The following PHLPP2 variants were observed in gnomAD, a reference collection of about 807,000 sequenced individuals.
PHLPP2 encodes PH domain leucine-rich repeat-containing protein phosphatase 2.
PHLPP2 carries 66 observed loss-of-function variants against 124.9 expected under a neutral mutation model. The ratio of observed to expected loss-of-function variants is 0.53; its 90% CI spans 0.43 to 0.65. The LOEUF (loss-of-function observed/expected upper bound fraction) is 0.65, where lower values mean the gene tolerates loss of function less well. Among genes scored for constraint, PHLPP2 ranks in the 30% least tolerant of loss-of-function variants. The pLI is 0.00. For synonymous variants in PHLPP2, 681 were observed against 624.7 expected, an observed-to-expected ratio of 1.09 and a Z score of -1.34; for missense variants, 1,685 against 1,600.4, an observed-to-expected ratio of 1.05 and a Z score of -0.90.
chr16:71,667,364 A>G (rs1210305553), intron 11 of PHLPP2, 31 bp from the exon 12 acceptor site: 1 of 1,558,522 alleles, frequency 6.4e-7, no homozygotes, highest in East Asian at 2.3e-5. Context: ...CAAACACATT[A>G]AAAACTTACT....
intron 18 of PHLPP2, 62 bp from the exon 19 acceptor site, chr16:71,650,106 C>G: frequency 1.5e-6 from 2 of 1,294,768 alleles, no homozygotes; most frequent in Non-Finnish European, 2.2e-6. Context: ...ACTTATCTTT[C>G]TAGATCACAG....
chr16:71,714,743 GAAC>G lies in PHLPP2; in HGVS notation c.50_52del (p.Gly17_Ser18delinsAla). 6.2e-7 allele frequency: 1 copy of G among 1,614,116 alleles called. No individual in the cohort carries two copies. On this transcript the variant is annotated inframe_deletion, in exon 2 of 19. Coordinates refer to ENST00000568954, the MANE Select transcript of PHLPP2 (RefSeq NM_015020.3). The stretch of plus-strand genomic sequence containing the variant: ...TTCTCTTAGCCAGTCTCTTTCTCGA[GAAC>G]CAAACCTACTTCTCCTATTCAAACA...
At chr16:71,658,928 T>C (rs2044764921) in intron 13 of PHLPP2, 113 bp from the exon 14 acceptor site, 3 of 880,230 alleles carry the variant, frequency 3.4e-6, no homozygotes, top group Non-Finnish European at 5.4e-6. Context: ...CACTGCCAGA[T>C]GACTGGTGAG....
Position 71,649,862 on chromosome 16 carries a change from T to C in PHLPP2, c.3000A>G (p.Val1000=), listed in dbSNP as rs2044683826. ...HLSYTEAVNA[V]RHVQDPLAAA... ...CTGCTAATGGGTCTTGTACGTGACG[T>C]ACAGCATTGACAGCTTCTGTGTAGG... Residue 1000 remains valine (V), a synonymous_variant, in exon 19 of 19, where the codon GTA becomes GTG. Coordinates refer to ENST00000568954, the MANE Select transcript of PHLPP2 (RefSeq NM_015020.3). 1.2e-6 allele frequency: 2 copies of C among 1,614,118 alleles called. No individual in the cohort carries two copies. The highest frequency in any genetic ancestry group is 1.7e-6 in the Non-Finnish European group (2 of 1,180,036).
chr16:71,650,118 GC>G, intron 18 of PHLPP2, 74 bp from the exon 19 acceptor site: 1 of 1,106,252 alleles, frequency 9.0e-7, no homozygotes, highest in Admixed American at 2.4e-5. Flanking sequence ...AGATCACAGT[GC>G]TTAGGGAACT....
intron 1 of PHLPP2, among the ~76,000 whole-genome samples, chr16:71,719,036 C>T (rs1004671258): frequency 7.2e-5 from 11 of 152,164 alleles, no homozygotes; most frequent in Admixed American, 1.3e-4. Context: ...CTGGAAAAAC[C>T]TTCCTAGGAG....
chr16:71,650,685 C>T (rs1000044317), intron 18 of PHLPP2, among the ~76,000 whole-genome samples: 3 of 152,200 alleles, frequency 2.0e-5, no homozygotes, highest in African/African-American at 4.8e-5. Context: ...ACAAGCCAGA[C>T]ACTTTGTTGT....
intron 3 of PHLPP2, among the ~76,000 whole-genome samples, chr16:71,690,933 A>G (rs2045105335): frequency 6.6e-6 from 1 of 152,186 alleles, no homozygotes; most frequent in Admixed American, 6.5e-5. Context: ...TTTGGATGCC[A>G]TTGTTACATT....
At chr16:71,717,103 A>G (rs933757825) in intron 1 of PHLPP2, among the ~76,000 whole-genome samples, 3 of 152,228 alleles carry the variant, frequency 2.0e-5, no homozygotes, top group Non-Finnish European at 4.4e-5. Flanking sequence ...GAAAATTCCC[A>G]TTTCTATGGA....
chr16:71,712,358 T>A (rs1472652078), intron 2 of PHLPP2, among the ~76,000 whole-genome samples: 1 of 152,190 alleles, frequency 6.6e-6, no homozygotes, highest in African/African-American at 2.4e-5. Flanking sequence ...ACAGGGCACA[T>A]AAGTAAATAA....
chr16:71,703,357 A>G (rs1178517878), intron 2 of PHLPP2, among the ~76,000 whole-genome samples: 1 of 152,196 alleles, frequency 6.6e-6, no homozygotes, highest in African/African-American at 2.4e-5. Flanking sequence ...CCATTTATTA[A>G]TTCACCTTAA....
At chr16:71,656,476 A>G in intron 16 of PHLPP2, 95 bp downstream of exon 16, 1 of 716,568 alleles carries the variant, frequency 1.4e-6, no homozygotes, top group South Asian at 1.6e-5. Flanking sequence ...TGTACAACAG[A>G]ACAACATGGC....
Position 71,676,505 on chromosome 16 carries a change from C to T in PHLPP2, c.1413G>A (p.Gln471=), listed in dbSNP as rs148584091. The T allele has an allele frequency of 1.9e-6, 3 of 1,614,112 alleles. No individual in the cohort carries two copies. Among genetic ancestry groups the T allele is most frequent in the Non-Finnish European group, 2.5e-6 (3 of 1,180,034 alleles). The part of the protein sequence containing the change: ...SLEQLHCGRN[Q]LRELTLSGFS... ...AGCCACTGAGTGTTAGCTCCCTCAG[C>T]TGATTCCGCCCACAGTGCAGCTGTT... The change falls in exon 9 of 19, where the codon CAG becomes CAA. Residue 471 remains glutamine, a synonymous_variant. Transcript: ENST00000568954.
intron 15 of PHLPP2, among the ~76,000 whole-genome samples, chr16:71,658,025 T>A (rs1194391911): frequency 6.6e-6 from 1 of 152,194 alleles, no homozygotes; most frequent in Non-Finnish European, 1.5e-5. Flanking sequence ...TGGGGGGTAG[T>A]AGCCATGGAG....
rs781071469 is a variant in PHLPP2 at position 71,649,861 on chromosome 16, G to C, written c.3001C>G (p.Arg1001Gly). ...LSYTEAVNAV[R>G]HVQDPLAAAK... is the part of the protein sequence containing the mutation. The stretch of plus-strand genomic sequence containing the variant: ...GCTGCTAATGGGTCTTGTACGTGAC[G>C]TACAGCATTGACAGCTTCTGTGTAG... Residue 1001 changes from arginine (R) to glycine (G), a missense_variant, in exon 19 of 19, where the codon CGT becomes GGT. By Grantham distance (125) the Arg-to-Gly change is moderately radical. Coordinates refer to ENST00000568954, the MANE Select transcript of PHLPP2 (RefSeq NM_015020.3). 1 of 1,614,194 alleles carries C rather than the reference G, an allele frequency of 6.2e-7. No homozygotes were observed. The highest frequency in any genetic ancestry group is 1.3e-5 in the African/African-American group (1 of 75,056).
At chr16:71,669,472 G>C (rs2044871453) in intron 10 of PHLPP2, 102 bp from the exon 11 acceptor site, 1 of 796,824 alleles carries the variant, frequency 1.3e-6, no homozygotes, top group African/African-American at 1.7e-5. Context: ...AGCCCTTGAG[G>C]GCAGGAACAC....
intron 9 of PHLPP2, among the ~76,000 whole-genome samples, chr16:71,675,754 A>G (rs750082010): frequency 6.6e-6 from 1 of 152,122 alleles, no homozygotes; most frequent in Non-Finnish European, 1.5e-5. Context: ...CACAAGTCTC[A>G]CCCAGTTCTC....
At chr16:71,666,990 TGAG>T in intron 12 of PHLPP2, among the ~76,000 whole-genome samples, 185 bp downstream of exon 12, 4 of 152,260 alleles carry the variant, frequency 2.6e-5, no homozygotes, top group African/African-American at 9.6e-5. Context: ...ATTTCAACTA[TGAG>T]TTACTGCCTC....
In PHLPP2 at chr16:71,659,814, C is replaced by T. The variant is rs569636638; in HGVS notation, c.1986-999G>A. On this transcript the variant is annotated intron_variant, in intron 13 of 18. Coordinates refer to ENST00000568954, the MANE Select transcript of PHLPP2 (RefSeq NM_015020.3). ...TAAAAATTACAAAAATAATAAACTGCTGTTAACATGGAGAGAAAGTGAAAA... is the reference window on the plus strand; with the variant it reads ...TAAAAATTACAAAAATAATAAACTGTTGTTAACATGGAGAGAAAGTGAAAA... Among the ~76,000 whole-genome samples, 3 of 152,230 alleles carry T rather than the reference C, an allele frequency of 2.0e-5. No individual in the cohort carries two copies. The South Asian group carries it at 6.2e-4, about 32-fold the overall frequency.
Sources: allele counts gnomAD v4.1 joint callset (sites outside exome capture counted in the v4.1 genomes callset), GRCh38; gene constraint gnomAD v4.1.1; transcripts MANE v1.5; gene names NCBI Gene and HGNC (gene_info 2026-07-23, HGNC 2026-07-21).